Variants in NSMAF observed in about 807,000 individuals in gnomAD.
NSMAF encodes the protein protein FAN.
Under a neutral mutation model 134.9 loss-of-function variants are expected in NSMAF, and 90 were observed. That is an observed-to-expected ratio of 0.67 (90% CI 0.56 to 0.79). The LOEUF is 0.79. Ranked by LOEUF, NSMAF falls within the 30% of genes least tolerant of loss-of-function variation. The pLI is 0.00. For missense variants in NSMAF, 1,010 were observed against 1,119.0 expected (o/e 0.90, Z 1.39); for synonymous variants, 358 against 389.6 (o/e 0.92, Z 0.96).
chr8:58,630,913 C>T (rs957418334), intron 6 of NSMAF, among the ~76,000 whole-genome samples: 1 of 152,136 alleles, frequency 6.6e-6, no homozygotes, highest in African/African-American at 2.4e-5. Context: ...CTAGCCCTGT[C>T]CTTAGGTCCT....
intron 6 of NSMAF, among the ~76,000 whole-genome samples, chr8:58,630,812 T>C (rs1807041788): frequency 6.6e-6 from 1 of 152,230 alleles, no homozygotes; most frequent in Non-Finnish European, 1.5e-5. Context: ...CAGACTGGCC[T>C]GAAACTGAAA....
intron 23 of NSMAF, chr8:58,591,147 T>C: frequency 5.3e-6 from 2 of 380,000 alleles, no homozygotes; most frequent in Non-Finnish European, 4.5e-6. Context: ...GACAAAAACA[T>C]CAATTTAAAA....
chr8:58,636,049 T>G (rs1807167077), intron 2 of NSMAF, among the ~76,000 whole-genome samples: 1 of 152,266 alleles, frequency 6.6e-6, no homozygotes, highest in African/African-American at 2.4e-5. Flanking sequence ...AAAGGGTTTT[T>G]GAAATTTTAT....
At chr8:58,595,926 T>C in intron 21 of NSMAF, 1 of 285,036 alleles carries the variant, frequency 3.5e-6, no homozygotes, top group South Asian at 4.4e-5. Flanking sequence ...GGCCTCTAAC[T>C]TATGAATTTG....
intron 9 of NSMAF, among the ~76,000 whole-genome samples, chr8:58,617,358 T>A (rs1806682906): frequency 6.6e-6 from 1 of 151,998 alleles, no homozygotes; most frequent in African/African-American, 2.4e-5. Flanking sequence ...GAAACTACCA[T>A]CAGAGTGAAC....
chr8:58,650,070 G>A (rs1463065637), intron 1 of NSMAF, among the ~76,000 whole-genome samples: 3 of 152,084 alleles, frequency 2.0e-5, no homozygotes, highest in Non-Finnish European at 4.4e-5. Context: ...AGGATTTTAC[G>A]CCAGGAGACA....
rs199966386 is a variant in NSMAF at position 58,599,383 on chromosome 8, C to T, written c.1454-20G>A. ...CGGGACCTATTAGATTAGACTCAAT[C>T]GAAAAATCATGGAGTCTTCATTTTT... On this transcript the variant is annotated intron_variant, in intron 18 of 30. Transcript: ENST00000038176. The T allele has an allele frequency of 1.4e-4, 232 of 1,607,842 alleles. No homozygotes were observed. Among genetic ancestry groups the T allele is most frequent in the Non-Finnish European group, 1.9e-4 (220 of 1,177,982 alleles).
At chr8:58,593,214 C>A (rs1160434699) in intron 23 of NSMAF, among the ~76,000 whole-genome samples, 1 of 152,192 alleles carries the variant, frequency 6.6e-6, no homozygotes, top group Non-Finnish European at 1.5e-5. Context: ...GCCTCGGTGA[C>A]CCTGGCATGG....
At chr8:58,584,896 G>A (rs1805849650) in intron 30 of NSMAF, among the ~76,000 whole-genome samples, 1 of 152,132 alleles carries the variant, frequency 6.6e-6, no homozygotes, top group Admixed American at 6.5e-5. Flanking sequence ...CCAAAGTGCT[G>A]GCATTACAGG....
intron 1 of NSMAF, among the ~76,000 whole-genome samples, chr8:58,649,109 A>T (rs1807525575): frequency 6.6e-6 from 1 of 152,244 alleles, no homozygotes; most frequent in African/African-American, 2.4e-5. Context: ...ACAGAGGCAG[A>T]GCTGCCTAAG....
intron 1 of NSMAF, among the ~76,000 whole-genome samples, chr8:58,644,846 T>A (rs1807409031): frequency 6.6e-6 from 1 of 152,116 alleles, no homozygotes; most frequent in Admixed American, 6.5e-5. Flanking sequence ...ACCATCATTC[T>A]CAGCAAACAC....
chr8:58,611,755 GA>G (rs1806534272), intron 9 of NSMAF, among the ~76,000 whole-genome samples: 1 of 151,656 alleles, frequency 6.6e-6, no homozygotes, highest in South Asian at 2.1e-4. Context: ...AAAAAAGAAT[GA>G]AAAAAATATA....
At chr8:58,655,335 TA>T (rs1034755823) in intron 1 of NSMAF, among the ~76,000 whole-genome samples, 3 of 151,806 alleles carry the variant, frequency 2.0e-5, no homozygotes, top group African/African-American at 7.3e-5. Flanking sequence ...CGGTGGATAG[TA>T]AAGCAAAAAA....
At chr8:58,585,563 C>G (rs573199578) in intron 30 of NSMAF, 89 bp downstream of exon 30, 60 of 967,224 alleles carry the variant, frequency 6.2e-5, no homozygotes, top group Admixed American at 2.4e-4. Flanking sequence ...TGTTTTTTGC[C>G]CAAAAAGAGT....
At chr8:58,617,007 G>T (rs1806671934) in intron 9 of NSMAF, among the ~76,000 whole-genome samples, 1 of 152,186 alleles carries the variant, frequency 6.6e-6, no homozygotes, top group Non-Finnish European at 1.5e-5. Flanking sequence ...AAAGATGGCA[G>T]CATCTACATA....
chr8:58,635,418 A>T (rs1470933755), intron 3 of NSMAF, 46 bp from the exon 4 acceptor site: 2 of 1,570,478 alleles, frequency 1.3e-6, no homozygotes, highest in South Asian at 1.2e-5. Flanking sequence ...GAAAGGTAAG[A>T]CATACACAAA....
At chr8:58,618,273 C>T (rs563783387) in intron 9 of NSMAF, among the ~76,000 whole-genome samples, 1 of 152,126 alleles carries the variant, frequency 6.6e-6, no homozygotes, top group Non-Finnish European at 1.5e-5. Context: ...ATCAAACCTG[C>T]ACTTCTGCAC....
chr8:58,585,317 G>GTTATT (rs1554572269), intron 30 of NSMAF, among the ~76,000 whole-genome samples: 9 of 144,354 alleles, frequency 6.2e-5, no homozygotes, highest in African/African-American at 2.3e-4. Context: ...TTGTTTCTGG[G>GTTATT]TTTTTTTTTT....
intron 9 of NSMAF, among the ~76,000 whole-genome samples, chr8:58,615,682 C>T (rs1806639237): frequency 6.6e-6 from 1 of 152,050 alleles, no homozygotes; most frequent in African/African-American, 2.4e-5. Context: ...AAAAGCAGTG[C>T]TTAAAGAGAA....
Sources: allele counts gnomAD v4.1 joint callset (sites outside exome capture counted in the v4.1 genomes callset), GRCh38; gene constraint gnomAD v4.1.1; transcripts MANE v1.5; gene names NCBI Gene and HGNC (gene_info 2026-07-23, HGNC 2026-07-21).